Variants in CDH13 observed in about 807,000 individuals in gnomAD.
CDH13 encodes cadherin 13.
A neutral mutation model predicts 63.8 loss-of-function variants in CDH13; 24 were observed. The ratio of observed to expected loss-of-function variants is 0.38; its 90% CI spans 0.27 to 0.53. CDH13 has a LOEUF of 0.53. Ranked by LOEUF, CDH13 falls within the 20% of genes least tolerant of loss-of-function variation. The probability of loss-of-function intolerance (pLI) is 0.85; values close to 1 mark genes in which losing one functional copy is unlikely to be tolerated. For synonymous variants in CDH13, 503 were observed against 355.3 expected (o/e 1.42, Z -4.67); for missense variants, 1,049 against 903.1 (o/e 1.16, Z -2.07).
intron 7 of CDH13, among the ~76,000 whole-genome samples, chr16:83,555,681 G>T (rs554360715): frequency 1.3e-5 from 2 of 152,174 alleles, no homozygotes; most frequent in African/African-American, 4.8e-5. Context: ...TTTGAGAAAC[G>T]CAATCTGTTT....
intron 2 of CDH13, among the ~76,000 whole-genome samples, chr16:82,901,894 T>C (rs955065605): frequency 6.6e-6 from 1 of 152,220 alleles, no homozygotes; most frequent in Non-Finnish European, 1.5e-5. Flanking sequence ...GCAGATTCTC[T>C]GTGCAGATAC....
At chr16:83,727,850 G>T (rs933590577) in intron 10 of CDH13, among the ~76,000 whole-genome samples, 1 of 152,106 alleles carries the variant, frequency 6.6e-6, no homozygotes, top group Non-Finnish European at 1.5e-5. Context: ...GTGAACAGGG[G>T]CGTTGGCGGG....
chr16:82,676,999 T>TC (rs1655999599), intron 1 of CDH13, among the ~76,000 whole-genome samples: 1 of 152,232 alleles, frequency 6.6e-6, no homozygotes, highest in African/African-American at 2.4e-5. Context: ...TTCTCCTGCC[T>TC]CAGCCTCTCA....
At chr16:83,037,730 G>T (rs767018363) in intron 3 of CDH13, among the ~76,000 whole-genome samples, 2 of 152,184 alleles carry the variant, frequency 1.3e-5, no homozygotes, top group East Asian at 1.9e-4. Context: ...CAGCATAGTG[G>T]TGGGAGTTTT....
At position 83,604,751 on chromosome 16, in the gene CDH13, T is replaced by C. The variant is rs1862727; in HGVS notation, c.1101+2157T>C. Among the ~76,000 whole-genome samples, 285 of 152,168 alleles carry C rather than the reference T, an allele frequency of 1.9e-3. 2 individuals carry two copies. Among genetic ancestry groups the C allele is most frequent in the Middle Eastern group, 6.8e-3 (2 of 294 alleles). Reference sequence around the variant, plus strand: ...GCACATTGTAATATTCAATATAAACTTAACGATGGGAACAAAAATAGGATA... The same window carrying C: ...GCACATTGTAATATTCAATATAAACCTAACGATGGGAACAAAAATAGGATA... On this transcript the variant is annotated intron_variant, in intron 8 of 13. Transcript: ENST00000567109.
chr16:82,633,526 C>A (rs1294831738), intron 1 of CDH13, among the ~76,000 whole-genome samples: 1 of 152,162 alleles, frequency 6.6e-6, no homozygotes, highest in African/African-American at 2.4e-5. Flanking sequence ...TTACAGGTGC[C>A]CGCCACCAGG....
At chr16:82,874,554 T>A (rs2040443460) in intron 2 of CDH13, among the ~76,000 whole-genome samples, 1 of 152,182 alleles carries the variant, frequency 6.6e-6, no homozygotes, top group Non-Finnish European at 1.5e-5. Context: ...GTCAGCTGAT[T>A]CTGAAGACCT....
chr16:82,677,903 T>A (rs951142924), intron 1 of CDH13, among the ~76,000 whole-genome samples: 2 of 152,212 alleles, frequency 1.3e-5, no homozygotes, highest in African/African-American at 4.8e-5. Flanking sequence ...TGCTCTCACA[T>A]ATTTGCCATC....
intron 2 of CDH13, among the ~76,000 whole-genome samples, chr16:82,868,209 C>A (rs2040219227): frequency 6.6e-6 from 1 of 152,174 alleles, no homozygotes; most frequent in South Asian, 2.1e-4. Flanking sequence ...CTAATTCACT[C>A]TATCATTATG....
At chr16:83,221,234 T>C (rs193229514) in intron 5 of CDH13, among the ~76,000 whole-genome samples, 1 of 152,266 alleles carries the variant, frequency 6.6e-6, no homozygotes, top group East Asian at 1.9e-4. Context: ...GGAAGGGAGT[T>C]TGGCTGGCTG....
chr16:83,126,238 C>T (rs1020618018), intron 4 of CDH13, among the ~76,000 whole-genome samples: 2 of 152,124 alleles, frequency 1.3e-5, no homozygotes, highest in African/African-American at 4.8e-5. Context: ...GTACTTCTGG[C>T]CACTGGGAGA....
At chr16:82,954,039 G>C (rs572835481) in intron 2 of CDH13, 1 of 152,242 alleles carries the variant, frequency 6.6e-6, no homozygotes, top group Admixed American at 6.5e-5. Flanking sequence ...GTTTATTTGG[G>C]AGGTAATGCC....
chr16:83,790,961 A>G (rs1916223825), intron 13 of CDH13, among the ~76,000 whole-genome samples: 1 of 152,210 alleles, frequency 6.6e-6, no homozygotes, highest in African/African-American at 2.4e-5. Flanking sequence ...ACAAATACCA[A>G]AAGTAAATGT....
chr16:83,285,956 TTCCTGCCCATG>T (rs1480795896), intron 5 of CDH13, among the ~76,000 whole-genome samples: 2 of 152,026 alleles, frequency 1.3e-5, no homozygotes, highest in Non-Finnish European at 2.9e-5. Flanking sequence ...AACTGGAGGG[TTCCTGCCCATG>T]TCCTGCCCAC....
intron 4 of CDH13, among the ~76,000 whole-genome samples, chr16:83,193,449 T>G (rs2151757970): frequency 6.6e-6 from 1 of 152,286 alleles, no homozygotes; most frequent in Middle Eastern, 3.4e-3. Context: ...ACATTGTATT[T>G]CTCTTCTCTT....
chr16:83,229,552 A>G (rs532750647), intron 5 of CDH13, among the ~76,000 whole-genome samples: 1 of 151,954 alleles, frequency 6.6e-6, no homozygotes, highest in East Asian at 1.9e-4. Flanking sequence ...TATTAAACAC[A>G]GTTGGCCAGA....
At chr16:83,538,706 A>G (rs1001235933) in intron 7 of CDH13, among the ~76,000 whole-genome samples, 2 of 152,238 alleles carry the variant, frequency 1.3e-5, no homozygotes, top group Non-Finnish European at 2.9e-5. Flanking sequence ...CATAGCTCTT[A>G]GATTAGCAGA....
At chr16:82,943,564 G>A (rs563582491) in intron 2 of CDH13, among the ~76,000 whole-genome samples, 1 of 152,318 alleles carries the variant, frequency 6.6e-6, no homozygotes, top group East Asian at 1.9e-4. Context: ...GGCTCTGACT[G>A]ATGAGTTGGC....
chr16:83,254,055 A>T (rs1413055175), intron 5 of CDH13, among the ~76,000 whole-genome samples: 5 of 152,190 alleles, frequency 3.3e-5, no homozygotes, highest in Non-Finnish European at 7.3e-5. Context: ...TGAGAGAAGG[A>T]CAAGACGCCG....
Sources: gnomAD v4.1 joint callset for allele counts (sites outside exome capture counted in the v4.1 genomes callset) on GRCh38, gnomAD v4.1.1 for gene constraint, MANE v1.5 for transcripts, NCBI Gene and HGNC (gene_info 2026-07-23, HGNC 2026-07-21) for gene names.